CFAP47: variants seen among roughly 807,000 people sequenced by gnomAD.
CFAP47 encodes the protein cilia and flagella associated protein 47.
In CFAP47, 29 loss-of-function variants were observed where a neutral mutation model predicts 148.1. The ratio of observed to expected loss-of-function variants is 0.20; its 90% CI spans 0.15 to 0.27. The LOEUF (loss-of-function observed/expected upper bound fraction) is 0.27, where lower values mean the gene tolerates loss of function less well. CFAP47 is among the 10% of genes least tolerant of loss of function. The probability of loss-of-function intolerance (pLI) is 1.00; values close to 1 mark genes in which losing one functional copy is unlikely to be tolerated. For synonymous variants in CFAP47, 664 were observed against 577.3 expected, an observed-to-expected ratio of 1.15 and a Z score of -2.15; for missense variants, 1,872 against 1,697.5, an observed-to-expected ratio of 1.10 and a Z score of -1.81.
At chrX:36,089,096 G>A (rs935515230) in intron 30 of CFAP47, among the ~76,000 whole-genome samples, 2 of 111,793 alleles carry the variant, frequency 1.8e-5, no homozygotes, top group Admixed American at 9.5e-5. Context: ...GGCTGGGTGC[G>A]GTGGCTCACG....
Position 36,071,880 on chromosome X carries a change from T to C in CFAP47, c.4374T>C (p.Asp1458=). ...ATGGTGTTTTGCCTCCCTACCAGGA[T>C]GCTAAACCACCCTCTCCTGCTTCAA... ...TRDGVLPPYQ[D]AKPPSPASIK... The change falls in exon 28 of 64, where the codon GAT becomes GAC. Residue 1458 remains aspartate, a synonymous_variant. Coordinates refer to ENST00000378653, the MANE Select transcript of CFAP47 (RefSeq NM_001304548.2). 1 of 1,203,796 alleles carries C rather than the reference T, an allele frequency of 8.3e-7. No individual in the cohort carries two copies. Among genetic ancestry groups the C allele is most frequent in the Middle Eastern group, 2.3e-4 (1 of 4,330 alleles).
intron 8 of CFAP47, among the ~76,000 whole-genome samples, chrX:35,960,380 GAAAAAAAAAAAA>G (rs1188987905): frequency 2.5e-3 from 38 of 15,484 alleles, no homozygotes; most frequent in African/African-American, 9.2e-3. Context: ...GCTAATTTCT[GAAAAAAAAAAAA>G]AAAAAAAAAA....
At position 36,010,462 on chromosome X, in the gene CFAP47, G is replaced by GT. The variant is rs767014835; in HGVS notation, c.3418-4299dup. On this transcript the variant is annotated intron_variant, in intron 21 of 63. Transcript: ENST00000378653. ...TGTCAGACTAGTTTAAAGTTTTGTCGTTTTTTTTTTTTTGAGATGGAGTCT... is the reference window on the plus strand; with the variant it reads ...TGTCAGACTAGTTTAAAGTTTTGTCGTTTTTTTTTTTTTTGAGATGGAGTCT... Among the ~76,000 whole-genome samples the GT allele has an allele frequency of 7.9e-3, 771 of 97,410 alleles. 5 individuals are homozygous for GT. Among genetic ancestry groups the GT allele is most frequent in the Non-Finnish European group, 0.011 (514 of 47,956 alleles). 84.6% of individuals were successfully genotyped at this position (97,410 alleles called of 115,157 possible).
intron 2 of CFAP47, among the ~76,000 whole-genome samples, chrX:35,929,372 G>A (rs1935791551): frequency 8.9e-6 from 1 of 111,917 alleles, no homozygotes; most frequent in Admixed American, 9.5e-5. Context: ...TTCTCTACAT[G>A]TGTTGTTAAG....
intron 62 of CFAP47, among the ~76,000 whole-genome samples, chrX:36,377,839 C>G (rs1556023258): frequency 8.9e-6 from 1 of 112,080 alleles, no homozygotes; most frequent in Non-Finnish European, 1.9e-5. Flanking sequence ...TTTTGTGTGT[C>G]AGGCATTAAT....
intron 48 of CFAP47, among the ~76,000 whole-genome samples, chrX:36,242,075 A>T (rs1388063698): frequency 8.9e-6 from 1 of 112,149 alleles, no homozygotes; most frequent in Non-Finnish European, 1.9e-5. Flanking sequence ...ACAGCCCCCA[A>T]AATATTCTGC....
chrX:35,924,460 G>GGTGCACCTATATGTGTATATAT (rs1407296381), intron 1 of CFAP47, among the ~76,000 whole-genome samples: 1 of 100,900 alleles, frequency 9.9e-6, no homozygotes, highest in Admixed American at 1.0e-4. Context: ...TGTGTATATA[G>GGTGCACCTATATGTGTATATAT]GTGCACCTAT....
chrX:36,056,915 TG>T (rs1253257164), intron 26 of CFAP47, among the ~76,000 whole-genome samples: 2 of 112,361 alleles, frequency 1.8e-5, no homozygotes, highest in Non-Finnish European at 3.8e-5. Flanking sequence ...AAGTCCTCAC[TG>T]GGCTTGCATA....
intron 26 of CFAP47, among the ~76,000 whole-genome samples, chrX:36,051,650 A>G (rs1179247152): frequency 8.9e-6 from 1 of 111,820 alleles, no homozygotes; most frequent in Non-Finnish European, 1.9e-5. Context: ...GCCTTATATC[A>G]GATGAGACTT....
chrX:36,121,115 A>G (rs911394750), intron 33 of CFAP47, among the ~76,000 whole-genome samples: 18 of 111,084 alleles, frequency 1.6e-4, no homozygotes, highest in African/African-American at 5.9e-4. Flanking sequence ...TTATATAGTG[A>G]CCTTCTTTGT....
At chrX:36,213,108 A>G (rs1443794646) in intron 45 of CFAP47, among the ~76,000 whole-genome samples, 2 of 111,159 alleles carry the variant, frequency 1.8e-5, no homozygotes, top group Non-Finnish European at 3.8e-5. Context: ...ACCTCCAACT[A>G]TTATTATTAT....
At chrX:36,094,894 G>T (rs1000980431) in intron 30 of CFAP47, among the ~76,000 whole-genome samples, 1 of 110,457 alleles carries the variant, frequency 9.1e-6, no homozygotes, top group Non-Finnish European at 1.9e-5. Flanking sequence ...GCTCTAGCTG[G>T]GACTTCCTGT....
At chrX:35,930,445 G>A (rs1185579431) in intron 2 of CFAP47, among the ~76,000 whole-genome samples, 2 of 110,841 alleles carry the variant, frequency 1.8e-5, no homozygotes, top group African/African-American at 3.3e-5. Flanking sequence ...GTATGGTTTA[G>A]CTATCAGGAT....
At chrX:36,118,043 C>A (rs894440382) in intron 33 of CFAP47, among the ~76,000 whole-genome samples, 1 of 111,678 alleles carries the variant, frequency 9.0e-6, no homozygotes. Flanking sequence ...CAAAAATGAG[C>A]TCACTGTAGA....
intron 56 of CFAP47, among the ~76,000 whole-genome samples, chrX:36,316,755 C>T (rs1556011046): frequency 8.9e-6 from 1 of 111,782 alleles, no homozygotes; most frequent in African/African-American, 3.3e-5. Flanking sequence ...GAACTCTTCA[C>T]GCAAGGAGAC....
rs199987804 is a variant in CFAP47 at position 35,994,764 on chromosome X, G to GT, written c.3099+1451dup. On this transcript the variant is annotated intron_variant, in intron 18 of 63. Coordinates refer to ENST00000378653, the MANE Select transcript of CFAP47 (RefSeq NM_001304548.2). ...ACTATATTTTAGAGGATTATGCTGG[G>GT]TTTTTTTTCTAATCTTACCTTTATT... Among the ~76,000 whole-genome samples, 28 of 110,094 alleles carry GT rather than the reference G, an allele frequency of 2.5e-4. No homozygotes were observed. The East Asian group carries it at 2.8e-3, about 11-fold the overall frequency.
chrX:35,943,838 A>T (rs1341967778), intron 3 of CFAP47, among the ~76,000 whole-genome samples: 1 of 111,204 alleles, frequency 9.0e-6, no homozygotes, highest in East Asian at 2.8e-4. Context: ...TTGTGGGCAC[A>T]TGGTAGGTGT....
chrX:36,372,621 A>G (rs1251751838), intron 62 of CFAP47, among the ~76,000 whole-genome samples: 2 of 111,688 alleles, frequency 1.8e-5, no homozygotes, highest in African/African-American at 3.3e-5. Context: ...ATACTGAATA[A>G]TGAAGGCACC....
rs896328009 is a variant in CFAP47 at position 36,166,945 on chromosome X, C to T, written c.6026+6176C>T. On this transcript the variant is annotated intron_variant, in intron 39 of 63. Transcript: ENST00000378653. ...GGCTCCCTGTGTGTTTTCCTGACCA[C>T]ACCCTTCTGTTAAATTCCCTGCGTG... Among the ~76,000 whole-genome samples the T allele has an allele frequency of 3.6e-5, 4 of 111,785 alleles. No homozygotes were observed. In the South Asian group the frequency reaches 1.1e-3, roughly 31 times the overall value.
Sources: allele counts gnomAD v4.1 joint callset (sites outside exome capture counted in the v4.1 genomes callset), GRCh38; gene constraint gnomAD v4.1.1; transcripts MANE v1.5; gene names NCBI Gene and HGNC (gene_info 2026-07-23, HGNC 2026-07-21).